The following ANO3 variants were observed in gnomAD, a reference collection of about 807,000 sequenced individuals.
ANO3 encodes the protein anoctamin 3.
ANO3 carries 99 observed loss-of-function variants against 144.8 expected under a neutral mutation model. That is an observed-to-expected ratio of 0.68 (90% CI 0.58 to 0.81). ANO3 has a LOEUF of 0.81. Ranked by LOEUF, ANO3 falls within the 30% of genes least tolerant of loss-of-function variation. ANO3 has a pLI of 0.00. For missense variants in ANO3, 905 were observed against 1,202.2 expected (o/e 0.75, Z 3.66); for synonymous variants, 414 against 392.6 (o/e 1.05, Z -0.64).
intron 4 of ANO3, among the ~76,000 whole-genome samples, chr11:26,475,852 C>T (rs936294401): frequency 6.6e-6 from 1 of 152,024 alleles, no homozygotes; most frequent in African/African-American, 2.4e-5. Flanking sequence ...GAAATTCTGG[C>T]TACATCATCT....
rs370711702 is a variant in ANO3, at chr11:26,247,948, G to A, written c.154+58618G>A. On this transcript the variant is annotated intron_variant, in intron 1 of 27. Coordinates refer to the ANO3 transcript ENST00000672621. Reference sequence around the variant, plus strand: ...GGGTTTCACCATGTTGGACAGGCTGGTCTCAAGCTCTTGACCTCGTGATCC... The same window carrying A: ...GGGTTTCACCATGTTGGACAGGCTGATCTCAAGCTCTTGACCTCGTGATCC... Among the ~76,000 whole-genome samples the A allele has an allele frequency of 7.8e-4, 119 of 151,670 alleles. 2 individuals are homozygous for A. Among genetic ancestry groups the A allele is most frequent in the African/African-American group, 2.8e-3 (115 of 41,416 alleles).
intron 1 of ANO3, among the ~76,000 whole-genome samples, chr11:26,232,809 G>C (rs1297103738): frequency 6.6e-6 from 1 of 152,150 alleles, no homozygotes. Flanking sequence ...AAGAGCTTCT[G>C]CACAGCAAAA....
At chr11:26,569,912 C>T (rs935681680) in intron 14 of ANO3, among the ~76,000 whole-genome samples, 1 of 151,774 alleles carries the variant, frequency 6.6e-6, no homozygotes, top group African/African-American at 2.4e-5. Context: ...CAGGAGAACC[C>T]AGTAATGATT....
intron 14 of ANO3, among the ~76,000 whole-genome samples, chr11:26,598,034 C>G (rs1851687823): frequency 6.6e-6 from 1 of 152,092 alleles, no homozygotes; most frequent in Non-Finnish European, 1.5e-5. Context: ...TTATTTGAGT[C>G]TTTAGATAAT....
intron 9 of ANO3, 144 bp downstream of exon 9, chr11:26,534,706 CA>C: frequency 2.1e-6 from 1 of 466,336 alleles, no homozygotes. Context: ...ATAAGCATTC[CA>C]TTTTTCAGCC....
chr11:26,441,105 A>ATTTTTT, intron 1 of ANO3, among the ~76,000 whole-genome samples: 2 of 97,722 alleles, frequency 2.0e-5, no homozygotes, highest in Admixed American at 1.0e-4. Context: ...CTTGCTGCCC[A>ATTTTTT]GTTTTTTTTT....
intron 19 of ANO3, 117 bp from the exon 20 acceptor site, chr11:26,634,896 C>T (rs749941973): frequency 2.7e-6 from 2 of 745,656 alleles, no homozygotes; most frequent in South Asian, 1.8e-5. Context: ...CAACTGGGGA[C>T]AGATTGCACC....
intron 17 of ANO3, among the ~76,000 whole-genome samples, chr11:26,604,198 G>A (rs760160243): frequency 2.0e-5 from 3 of 152,018 alleles, no homozygotes; most frequent in Non-Finnish European, 2.9e-5. Flanking sequence ...TTTTTGTCAG[G>A]TTTGTTGAAG....
At chr11:26,244,680 C>A (rs1852743493) in intron 1 of ANO3, among the ~76,000 whole-genome samples, 1 of 152,044 alleles carries the variant, frequency 6.6e-6, no homozygotes, top group African/African-American at 2.4e-5. Flanking sequence ...ACAGTTTTGC[C>A]ATAGTTCTTT....
chr11:26,296,476 T>C (rs149407893), intron 1 of ANO3, among the ~76,000 whole-genome samples: 1 of 152,302 alleles, frequency 6.6e-6, no homozygotes, highest in African/African-American at 2.4e-5. Context: ...AGAGAAAATA[T>C]AATATGACTT....
At position 26,525,515 on chromosome 11, in the gene ANO3, G is replaced by T. The variant is rs921590224; in HGVS notation, c.693-120G>T. On this transcript the variant is annotated intron_variant, in intron 6 of 26. Coordinates refer to ENST00000256737, the MANE Select transcript of ANO3 (RefSeq NM_031418.4). The stretch of plus-strand genomic sequence containing the variant: ...TGCTGGGTTATTTCAAACATCTTAA[G>T]TTTCTTAAGCATACGGAACTTGGAG... The T allele has an allele frequency of 1.1e-5, 8 of 734,154 alleles. No homozygotes were observed. In the African/African-American group the frequency reaches 1.5e-4, roughly 14 times the overall value. The allele number at this position is 734,154 out of a possible 1,614,324, so 45.5% of individuals were successfully genotyped here.
rs1180957252 is a variant in ANO3, at chr11:26,566,038, T to G, written c.1447+6259T>G. Reference sequence around the variant, plus strand: ...TATTTTTATTCCAAAATTGCTTATTTTGGATTATGTACTTAAATTAGTGCC... The same window carrying G: ...TATTTTTATTCCAAAATTGCTTATTGTGGATTATGTACTTAAATTAGTGCC... On this transcript the variant is annotated intron_variant, in intron 14 of 26. Coordinates refer to ENST00000256737, the MANE Select transcript of ANO3 (RefSeq NM_031418.4). The G allele has an allele frequency of 3.3e-6, 3 of 898,406 alleles. No individual in the cohort carries two copies. The African/African-American group carries it at 5.2e-5, about 16-fold the overall frequency. 55.7% of individuals were successfully genotyped at this position (898,406 alleles called of 1,614,324 possible). A position where few individuals can be genotyped will look rare whatever the true frequency, so the allele number is the denominator to read the frequency against.
chr11:26,585,929 A>G lies in ANO3; in HGVS notation c.1448-12436A>G, dbSNP rs115185020. 2.2e-3 allele frequency among the ~76,000 whole-genome samples: 328 copies of G among 152,346 alleles called. 1 individual carries two copies. The highest frequency in any genetic ancestry group is 7.7e-3 in the African/African-American group (322 of 41,584). On this transcript the variant is annotated intron_variant, in intron 14 of 26. Coordinates refer to ENST00000256737, the MANE Select transcript of ANO3 (RefSeq NM_031418.4). ...ATGGGTGTTATAGATGTTAGAAGTA[A>G]TTTATCTAAAGTGATTATTAAAATA...
rs1240221404 is a variant in ANO3 at position 26,260,992 on chromosome 11, T to C, written c.155-48653T>C. On this transcript the variant is annotated intron_variant, in intron 1 of 27. Transcript: ENST00000672621. ...AGAGAATTAGCATTTAGTAGAATAA[T>C]ATGTCAACAAAACAGCTAACCATAC... 2.8e-4 allele frequency among the ~76,000 whole-genome samples: 42 copies of C among 152,182 alleles called. 1 individual carries two copies. The highest frequency in any genetic ancestry group is 2.7e-3 in the Admixed American group (42 of 15,280).
intron 1 of ANO3, among the ~76,000 whole-genome samples, chr11:26,343,849 T>TA (rs1458541899): frequency 2.0e-5 from 3 of 152,224 alleles, no homozygotes; most frequent in African/African-American, 7.2e-5. Flanking sequence ...TAGTACATAC[T>TA]AAAACAATAA....
chr11:26,447,879 A>G (rs1230326289), intron 3 of ANO3, among the ~76,000 whole-genome samples: 2 of 152,168 alleles, frequency 1.3e-5, no homozygotes, highest in Non-Finnish European at 2.9e-5. Flanking sequence ...CCCCACTACC[A>G]TTGCCTACGT....
chr11:26,639,066 G>A, intron 20 of ANO3, 78 bp from the exon 21 acceptor site: 1 of 983,380 alleles, frequency 1.0e-6, no homozygotes. Context: ...AAAATTTGCT[G>A]TACAATTTAA....
At chr11:26,291,274 C>T (rs1853950387) in intron 1 of ANO3, among the ~76,000 whole-genome samples, 1 of 152,116 alleles carries the variant, frequency 6.6e-6, no homozygotes, top group Non-Finnish European at 1.5e-5. Context: ...GGTCTTCCTC[C>T]ATCCCTTTAT....
intron 20 of ANO3, 57 bp from the exon 21 acceptor site, chr11:26,639,087 G>T (rs1483158525): frequency 1.5e-5 from 18 of 1,189,546 alleles, no homozygotes; most frequent in Non-Finnish European, 2.1e-5. Flanking sequence ...TGGTGGGCAT[G>T]TCTGAGCCTA....
Sources: gnomAD v4.1 joint callset for allele counts (sites outside exome capture counted in the v4.1 genomes callset) on GRCh38, gnomAD v4.1.1 for gene constraint, MANE v1.5 for transcripts, NCBI Gene and HGNC (gene_info 2026-07-23, HGNC 2026-07-21) for gene names.